The following PDCD1LG2 variants were observed in gnomAD, a reference collection of about 807,000 sequenced individuals.
PDCD1LG2 encodes programmed cell death 1 ligand 2, also known as B7 dendritic cell molecule.
A neutral mutation model predicts 28.2 loss-of-function variants in PDCD1LG2; 32 were observed. That is an observed-to-expected ratio of 1.13 (90% confidence interval 0.86 to 1.52). The LOEUF (loss-of-function observed/expected upper bound fraction) is 1.52. Ranked by LOEUF, PDCD1LG2 falls within the 40% of genes most tolerant of loss-of-function variation. The pLI is 0.00. For missense variants in PDCD1LG2, 385 were observed against 323.8 expected (o/e 1.19, Z -1.45); for synonymous variants, 116 against 120.2 (o/e 0.97, Z 0.23).
rs1325801330 is a variant in PDCD1LG2, at chr9:5,570,712, A to G, written c.*753A>G. On this transcript the variant is annotated 3_prime_UTR_variant, in exon 7 of 7. Coordinates refer to ENST00000397747, the MANE Select transcript of PDCD1LG2 (RefSeq NM_025239.4). ...CTTTTTATTTGTTTTTACCTTAGAAATCAATTATATACAGTCAAAAATATT... is the reference window on the plus strand; with the variant it reads ...CTTTTTATTTGTTTTTACCTTAGAAGTCAATTATATACAGTCAAAAATATT... The G allele has an allele frequency of 1.3e-5, 3 of 232,068 alleles. No individual in the cohort carries two copies. Among genetic ancestry groups the G allele is most frequent in the African/African-American group, 4.4e-5 (2 of 45,260 alleles). 14.4% of individuals were successfully genotyped at this position (232,068 alleles called of 1,614,324 possible).
chr9:5,516,332 G>A (rs936432129), intron 1 of PDCD1LG2, among the ~76,000 whole-genome samples: 1 of 152,218 alleles, frequency 6.6e-6, no homozygotes, highest in African/African-American at 2.4e-5. Flanking sequence ...TTACAGGCAT[G>A]AGCCACTGAG....
intron 3 of PDCD1LG2, among the ~76,000 whole-genome samples, chr9:5,543,114 G>T (rs1820718310): frequency 6.6e-6 from 1 of 152,110 alleles, no homozygotes; most frequent in Non-Finnish European, 1.5e-5. Flanking sequence ...AGTAACTCAG[G>T]AATGTAAAAC....
intron 1 of PDCD1LG2, among the ~76,000 whole-genome samples, chr9:5,519,399 C>T (rs1196435942): frequency 2.6e-5 from 4 of 152,092 alleles, no homozygotes; most frequent in Non-Finnish European, 4.4e-5. Context: ...ACCCTGGGAG[C>T]GGCAGTCCCT....
intron 3 of PDCD1LG2, among the ~76,000 whole-genome samples, chr9:5,545,918 A>G (rs1238516531): frequency 6.6e-6 from 1 of 152,128 alleles, no homozygotes; most frequent in Non-Finnish European, 1.5e-5. Context: ...GATGACTTGA[A>G]TTTTTGGAGT....
At chr9:5,530,849 A>T (rs1820469353) in intron 2 of PDCD1LG2, among the ~76,000 whole-genome samples, 1 of 152,224 alleles carries the variant, frequency 6.6e-6, no homozygotes, top group East Asian at 1.9e-4. Context: ...ATTAATGTGC[A>T]TGCAAATCAC....
chr9:5,569,985 A>T lies in PDCD1LG2; in HGVS notation c.*26A>T, dbSNP rs1563836623. On this transcript the variant is annotated 3_prime_UTR_variant, in exon 7 of 7. Coordinates refer to ENST00000397747, the MANE Select transcript of PDCD1LG2 (RefSeq NM_025239.4). The surrounding 1 kb of genome is among the most constrained non-coding windows in gnomAD (Gnocchi z 4.1). ...ACCTGTGGTCTTGGGAGCCAGGGTG[A>T]CCTGATATGACATCTAAAGAAGCTT... is the stretch of plus-strand genomic sequence containing the variant. 6.2e-7 allele frequency: 1 copy of T among 1,613,884 alleles called. No homozygotes were observed. Among genetic ancestry groups the T allele is most frequent in the Non-Finnish European group, 8.5e-7 (1 of 1,179,814 alleles).
intron 5 of PDCD1LG2, among the ~76,000 whole-genome samples, chr9:5,559,096 T>G (rs1816505832): frequency 6.6e-6 from 1 of 152,284 alleles, no homozygotes; most frequent in Admixed American, 6.5e-5. Flanking sequence ...GAGTGTTCCG[T>G]TCCAGCTGTC....
At chr9:5,541,240 AC>A (rs550756835) in intron 3 of PDCD1LG2, among the ~76,000 whole-genome samples, 91 of 152,324 alleles carry the variant, frequency 6.0e-4, no homozygotes, top group African/African-American at 2.0e-3. Context: ...ACTACGACAA[AC>A]CCACAGCCAA....
At chr9:5,520,485 G>T (rs1264741967) in intron 1 of PDCD1LG2, among the ~76,000 whole-genome samples, 1 of 152,244 alleles carries the variant, frequency 6.6e-6, no homozygotes, top group Non-Finnish European at 1.5e-5. Flanking sequence ...CTCCAAATTT[G>T]TTCTTTTGCA....
At chr9:5,536,254 T>C (rs1156586770) in intron 3 of PDCD1LG2, among the ~76,000 whole-genome samples, 34 of 152,166 alleles carry the variant, frequency 2.2e-4, no homozygotes, top group Admixed American at 2.2e-3. Flanking sequence ...ACACACAGGA[T>C]TGTTGTCAAC....
chr9:5,536,623 C>A (rs571128267), intron 3 of PDCD1LG2, among the ~76,000 whole-genome samples: 1 of 152,158 alleles, frequency 6.6e-6, no homozygotes, highest in Non-Finnish European at 1.5e-5. Context: ...ATGGGCCAGG[C>A]CTTCTGCCCA....
chr9:5,551,515 C>T (rs981926291), intron 4 of PDCD1LG2, among the ~76,000 whole-genome samples: 2 of 152,140 alleles, frequency 1.3e-5, no homozygotes, highest in African/African-American at 4.8e-5. Flanking sequence ...AAGATGTCTA[C>T]TCAGACAAAG....
chr9:5,510,915 G>A (rs192267992), intron 1 of PDCD1LG2, 112 bp downstream of exon 1: 2 of 152,778 alleles, frequency 1.3e-5, no homozygotes, highest in Admixed American at 6.5e-5. Context: ...TTTGAGGCAA[G>A]AGACATTCTG....
intron 4 of PDCD1LG2, among the ~76,000 whole-genome samples, chr9:5,550,186 G>T (rs1374694751): frequency 6.6e-6 from 1 of 152,170 alleles, no homozygotes; most frequent in Non-Finnish European, 1.5e-5. Context: ...CAGTCAGCTG[G>T]TTATGGGTTT....
chr9:5,543,463 T>G (rs1284439303), intron 3 of PDCD1LG2, among the ~76,000 whole-genome samples: 1 of 141,092 alleles, frequency 7.1e-6, no homozygotes, highest in African/African-American at 2.7e-5. Flanking sequence ...GGCAGGAACC[T>G]GGGAGGCGGA....
At chr9:5,537,171 G>A (rs761977868) in intron 3 of PDCD1LG2, among the ~76,000 whole-genome samples, 1 of 152,206 alleles carries the variant, frequency 6.6e-6, no homozygotes, top group Non-Finnish European at 1.5e-5. Flanking sequence ...GTCAAAGAAT[G>A]AAATGGCATT....
At chr9:5,523,812 G>C (rs1820322050) in intron 2 of PDCD1LG2, among the ~76,000 whole-genome samples, 1 of 152,154 alleles carries the variant, frequency 6.6e-6, no homozygotes, top group Non-Finnish European at 1.5e-5. Flanking sequence ...GAGAAAACTT[G>C]GGGAATGTGT....
At chr9:5,520,618 A>G (rs1373567238) in intron 1 of PDCD1LG2, among the ~76,000 whole-genome samples, 2 of 152,236 alleles carry the variant, frequency 1.3e-5, no homozygotes, top group Non-Finnish European at 2.9e-5. Flanking sequence ...CCTAAAGCAC[A>G]AACAATAAAA....
intron 1 of PDCD1LG2, among the ~76,000 whole-genome samples, chr9:5,517,639 G>A (rs1762456778): frequency 6.6e-6 from 1 of 152,156 alleles, no homozygotes; most frequent in Non-Finnish European, 1.5e-5. Flanking sequence ...ATCAACTGCA[G>A]GAAGGCAAAA....
Sources: gnomAD v4.1 joint callset for allele counts (sites outside exome capture counted in the v4.1 genomes callset) on GRCh38, gnomAD v4.1.1 for gene constraint, Gnocchi (gnomAD v3.1) non-coding constraint, MANE v1.5 for transcripts, NCBI Gene and HGNC (gene_info 2026-07-23, HGNC 2026-07-21) for gene names.